The following TPCN1 variants were observed in gnomAD, a reference collection of about 807,000 sequenced individuals.
TPCN1 encodes the protein two pore channel protein 1.
In TPCN1, 52 loss-of-function variants were observed where a neutral mutation model predicts 108.8. That is an observed-to-expected ratio of 0.48 (90% CI 0.38 to 0.60). The LOEUF (loss-of-function observed/expected upper bound fraction) is 0.60. Ranked by LOEUF, TPCN1 falls within the 20% of genes least tolerant of loss-of-function variation. TPCN1 has a pLI of 0.00. For synonymous variants in TPCN1, 446 were observed against 433.7 expected (o/e 1.03, Z -0.35); for missense variants, 806 against 1,072.8 (o/e 0.75, Z 3.47).
In TPCN1 at chr12:113,288,156, C is replaced by T. The variant is rs1396144807; in HGVS notation, c.1635-7C>T. ...GTGTGGAGGTGACGGGTGTCCTCCT[C>T]GCTCAGGTTGTTTAAGTTGAAGGAG... On this transcript the variant is annotated splice_polypyrimidine_tract_variant and splice_region_variant and intron_variant, in intron 19 of 27. Transcript: ENST00000335509. The surrounding 1 kb of genome is among the most constrained non-coding windows in gnomAD (Gnocchi z 4.8). 12 of 1,611,364 alleles carry T rather than the reference C, an allele frequency of 7.4e-6. No homozygotes were observed. Among genetic ancestry groups the T allele is most frequent in the South Asian group, 5.5e-5 (5 of 90,804 alleles).
rs1315382301 is a variant in TPCN1, at chr12:113,288,954, T to C, written c.1796+107T>C. The C allele has an allele frequency of 8.9e-7, 1 of 1,119,584 alleles. No homozygotes were observed. The highest frequency in any genetic ancestry group is 1.3e-6 in the Non-Finnish European group (1 of 748,134). 69.4% of individuals were successfully genotyped at this position (1,119,584 alleles called of 1,614,324 possible). A position where few individuals can be genotyped will look rare whatever the true frequency, so the allele number is the denominator to read the frequency against. On this transcript the variant is annotated intron_variant, in intron 21 of 27. Transcript: ENST00000335509. The surrounding 1 kb of genome is among the most constrained non-coding windows in gnomAD (Gnocchi z 4.8). ...GCCTTGGGGTCCTCGGGGATGTTCC[T>C]GTCTAAGCAACCACCTTGCTTTGCT... is the stretch of plus-strand genomic sequence containing the variant.
At chr12:113,287,164 G>A (rs758001573) in intron 19 of TPCN1, 70 bp downstream of exon 19, 13 of 1,322,282 alleles carry the variant, frequency 9.8e-6, no homozygotes, top group African/African-American at 4.3e-5. Context: ...GGATTGATCC[G>A]GGAAGTGACC....
Position 113,223,435 on chromosome 12 carries a change from C to CTTTTT in TPCN1, c.-126+1822_-126+1826dup, listed in dbSNP as rs1172851714. Among the ~76,000 whole-genome samples the CTTTTT allele has an allele frequency of 7.4e-3, 887 of 120,182 alleles. 17 individuals are homozygous for CTTTTT. Among genetic ancestry groups the CTTTTT allele is most frequent in the East Asian group, 0.051 (205 of 4,006 alleles). 78.8% of individuals were successfully genotyped at this position (120,182 alleles called of 152,430 possible). ...AGGTCTGCAGTCAGATCTGCTGAGT[C>CTTTTT]TTTTTTTTTTTTTTTTTGGTTCTTC... On this transcript the variant is annotated intron_variant, in intron 1 of 27. Transcript: ENST00000335509.
At chr12:113,242,750 C>T (rs1489673590) in intron 2 of TPCN1, among the ~76,000 whole-genome samples, 2 of 152,154 alleles carry the variant, frequency 1.3e-5, no homozygotes, top group African/African-American at 4.8e-5. Flanking sequence ...CTAGAATGTG[C>T]CACTCACCCC....
At chr12:113,280,045 G>A (rs1566190602) in intron 14 of TPCN1, 106 bp from the exon 15 acceptor site, 2 of 807,344 alleles carry the variant, frequency 2.5e-6, no homozygotes, top group East Asian at 2.5e-5. Flanking sequence ...CACGAAGAGT[G>A]TGGTAGGTGG....
chr12:113,228,981 A>G (rs1209627253), intron 2 of TPCN1, among the ~76,000 whole-genome samples: 2 of 152,230 alleles, frequency 1.3e-5, no homozygotes, highest in African/African-American at 4.8e-5. Context: ...AAGTCCCTCC[A>G]ACGTGCCTGA....
chr12:113,222,661 A>G (rs908049986), intron 1 of TPCN1, among the ~76,000 whole-genome samples: 4 of 152,228 alleles, frequency 2.6e-5, no homozygotes, highest in East Asian at 3.8e-4. Context: ...GAATGCGAGG[A>G]CTTTAATCTA....
Position 113,245,556 on chromosome 12 carries a change from G to A in TPCN1, c.113-14812G>A, listed in dbSNP as rs1331285276. Reference sequence around the variant, plus strand: ...GCGGAGCTTGCAGTGAGCCGAGATCGCGCCACTGCACTCCAGCCTGGGCGA... The same window carrying A: ...GCGGAGCTTGCAGTGAGCCGAGATCACGCCACTGCACTCCAGCCTGGGCGA... On this transcript the variant is annotated intron_variant, in intron 2 of 27. Coordinates refer to ENST00000335509, the MANE Select transcript of TPCN1 (RefSeq NM_017901.6). 3.2e-5 allele frequency among the ~76,000 whole-genome samples: 4 copies of A among 123,126 alleles called. No individual in the cohort carries two copies. In the East Asian group the frequency reaches 9.1e-4, roughly 28 times the overall value. 80.8% of individuals were successfully genotyped at this position (123,126 alleles called of 152,430 possible). A position where few individuals can be genotyped will look rare whatever the true frequency, so the allele number is the denominator to read the frequency against.
In TPCN1 at chr12:113,268,674, C is replaced by G. The variant is rs976153480; in HGVS notation, c.529-68C>G. The G allele has an allele frequency of 1.5e-5, 24 of 1,588,602 alleles. No individual in the cohort carries two copies. Among genetic ancestry groups the G allele is most frequent in the Middle Eastern group, 2.2e-4 (1 of 4,532 alleles). On this transcript the variant is annotated intron_variant, in intron 5 of 27. Transcript: ENST00000335509. The surrounding 1 kb of genome is among the most constrained non-coding windows in gnomAD (Gnocchi z 7.3). ...AGTGGGCACTGCCTCTCCAGCCCCC[C>G]GTTCCAGGTATGCAGGATGACGGCT...
At chr12:113,239,302 T>C (rs1037453847) in intron 2 of TPCN1, among the ~76,000 whole-genome samples, 3 of 152,204 alleles carry the variant, frequency 2.0e-5, no homozygotes, top group African/African-American at 7.2e-5. Flanking sequence ...TTTGTGAGTT[T>C]CTTTCTTGTG....
chr12:113,263,950 AC>A (rs1439987126), intron 3 of TPCN1, among the ~76,000 whole-genome samples: 1 of 152,062 alleles, frequency 6.6e-6, no homozygotes, highest in African/African-American at 2.4e-5. Context: ...AGACCTCATT[AC>A]CCCCATCTCT....
At chr12:113,243,769 AAAAATAAAAAT>A (rs144806469) in intron 2 of TPCN1, among the ~76,000 whole-genome samples, 8,971 of 152,218 alleles carry the variant, frequency 0.059, 362 homozygotes, top group Middle Eastern at 0.071. Flanking sequence ...ATAAATAAAT[AAAAATAAAAAT>A]AAAATAAAAA....
Position 113,293,292 on chromosome 12 carries a change from A to T in TPCN1, c.2277A>T (p.Gly759=). 1 of 1,613,970 alleles carries T rather than the reference A, an allele frequency of 6.2e-7. No individual in the cohort carries two copies. Among genetic ancestry groups the T allele is most frequent in the East Asian group, 2.2e-5 (1 of 44,880 alleles). ...RYQQHSMVFL[G]RRSRTKSDLS... is the part of the protein sequence containing the mutation. Reference sequence around the variant, plus strand: ...AGCAACATTCCATGGTGTTTCTGGGACGGCGATCAAGGACCAAGAGCGACC... The same window carrying T: ...AGCAACATTCCATGGTGTTTCTGGGTCGGCGATCAAGGACCAAGAGCGACC... The change falls in exon 27 of 28, where the codon GGA becomes GGT. Residue 759 remains glycine (G), a synonymous_variant. Transcript: ENST00000335509.
At position 113,260,441 on chromosome 12, in the gene TPCN1, C is replaced by A; in HGVS notation, c.186C>A (p.Ser62Arg). 3.2e-6 allele frequency: 5 copies of A among 1,561,150 alleles called. No individual in the cohort carries two copies. The highest frequency in any genetic ancestry group is 4.3e-6 in the Non-Finnish European group (5 of 1,157,536). ...CTGGGGGTGAGAGTTCCCCCTCCAG[C>A]CCCGCACACAACTGGGAGATGAATT... ...LSSGGESSPS[S>R]PAHNWEMNYQ... is the part of the protein sequence containing the mutation. The change falls in exon 3 of 28, where the codon AGC becomes AGA. Residue 62 changes from serine to arginine, a missense_variant. Physicochemically the swap from Ser to Arg is moderately radical, Grantham distance 110. Transcript: ENST00000335509.
chr12:113,229,261 A>G (rs1953587065), intron 2 of TPCN1, among the ~76,000 whole-genome samples: 1 of 152,222 alleles, frequency 6.6e-6, no homozygotes, highest in South Asian at 2.1e-4. Flanking sequence ...TTAGTATCTT[A>G]GTTTCTTCTC....
In TPCN1 at chr12:113,273,917, G is replaced by T. The variant is rs1955589143; in HGVS notation, c.942+249G>T. 6.6e-6 allele frequency among the ~76,000 whole-genome samples: 1 copy of T among 152,208 alleles called. No individual in the cohort carries two copies. The highest frequency in any genetic ancestry group is 1.5e-5 in the Non-Finnish European group (1 of 68,024). Reference sequence around the variant, plus strand: ...GCTGCTGATGCTGGTAGTGCTGGATGTGAAACCCAGGCAACCCTGGGACCT... The same window carrying T: ...GCTGCTGATGCTGGTAGTGCTGGATTTGAAACCCAGGCAACCCTGGGACCT... On this transcript the variant is annotated intron_variant, in intron 10 of 27. Transcript: ENST00000335509. The surrounding 1 kb of genome is among the most constrained non-coding windows in gnomAD (Gnocchi z 4.0).
At chr12:113,274,224 G>A (rs1023540662) in intron 10 of TPCN1, among the ~76,000 whole-genome samples, 5 of 152,298 alleles carry the variant, frequency 3.3e-5, no homozygotes, top group African/African-American at 7.2e-5. Flanking sequence ...AGGCCAAGGT[G>A]GGTGGATCAT....
chr12:113,290,120 C>T lies in TPCN1; in HGVS notation c.1797-8C>T, dbSNP rs372342210. The T allele has an allele frequency of 1.3e-4, 209 of 1,567,522 alleles. No individual in the cohort carries two copies. The highest frequency in any genetic ancestry group is 3.7e-5 in the Admixed American group (2 of 54,546). On this transcript the variant is annotated splice_region_variant and splice_polypyrimidine_tract_variant and intron_variant, in intron 21 of 27. Coordinates refer to ENST00000335509, the MANE Select transcript of TPCN1 (RefSeq NM_017901.6). ...CCCTCCCTCCTTTCTCCCTTGTGCT[C>T]CGGCCAGCACGAGTACAGTGGCAGA...
chr12:113,274,269 A>G (rs943279655), intron 10 of TPCN1, among the ~76,000 whole-genome samples: 1 of 152,126 alleles, frequency 6.6e-6, no homozygotes, highest in Admixed American at 6.6e-5. Flanking sequence ...CCTGGCCAAC[A>G]TGGTGAAACC....
Sources: gnomAD v4.1 joint callset for allele counts (sites outside exome capture counted in the v4.1 genomes callset) on GRCh38, gnomAD v4.1.1 for gene constraint, Gnocchi (gnomAD v3.1) non-coding constraint, MANE v1.5 for transcripts, NCBI Gene and HGNC (gene_info 2026-07-23, HGNC 2026-07-21) for gene names.